The following FGL1 variants were observed in gnomAD, a reference collection of about 807,000 sequenced individuals.
FGL1 encodes the protein fibrinogen-like protein 1.
A neutral mutation model predicts 43.7 loss-of-function variants in FGL1; 59 were observed. The ratio of observed to expected loss-of-function variants is 1.35; its 90% CI spans 1.10 to 1.68. The LOEUF is 1.68. Among genes scored for constraint, FGL1 ranks in the 40% most tolerant of loss-of-function variants. The pLI is 0.00. For synonymous variants in FGL1, 192 were observed against 126.5 expected, an observed-to-expected ratio of 1.52 and a Z score of -3.48; for missense variants, 596 against 373.0, an observed-to-expected ratio of 1.60 and a Z score of -4.92.
intron 1 of FGL1, among the ~76,000 whole-genome samples, chr8:17,893,031 C>G (rs1256043042): frequency 6.6e-6 from 1 of 152,002 alleles, no homozygotes; most frequent in East Asian, 1.9e-4. Context: ...AAACCCCGTC[C>G]CTACTAAAAA....
chr8:17,872,302 T>TTTATTATTATTATTATTATTA (rs10528958), intron 5 of FGL1, among the ~76,000 whole-genome samples: 4,383 of 146,790 alleles, frequency 0.03, 198 homozygotes, highest in African/African-American at 0.092. Context: ...TCTTAATTAC[T>TTTATTATTATTATTATTATTA]TTATTATTAT....
At chr8:17,894,932 T>A (rs11778041) in intron 1 of FGL1, among the ~76,000 whole-genome samples, 65,933 of 144,678 alleles carry the variant, frequency 0.46, 18,031 homozygotes, top group Non-Finnish European at 0.61. Flanking sequence ...ATATAAGGTA[T>A]ATAAATATTG....
chr8:17,881,589 T>G (rs1239577450), intron 3 of FGL1, among the ~76,000 whole-genome samples: 17 of 151,338 alleles, frequency 1.1e-4, no homozygotes, highest in Non-Finnish European at 1.6e-4. Flanking sequence ...ATCCCAGCAC[T>G]TTGGGAGGCC....
intron 3 of FGL1, among the ~76,000 whole-genome samples, chr8:17,877,652 G>T (rs2053476157): frequency 6.6e-6 from 1 of 152,028 alleles, no homozygotes; most frequent in Admixed American, 6.6e-5. Context: ...GTACATAGTA[G>T]GTGTATGTAT....
intron 2 of FGL1, among the ~76,000 whole-genome samples, chr8:17,883,366 A>T (rs182235545): frequency 0.014 from 1,445 of 100,100 alleles, 136 homozygotes; most frequent in African/African-American, 0.06. Flanking sequence ...ATAATATATA[A>T]TATATAAAAT....
chr8:17,868,122 A>T (rs560848275), intron 7 of FGL1, among the ~76,000 whole-genome samples: 1 of 152,350 alleles, frequency 6.6e-6, no homozygotes, highest in East Asian at 1.9e-4. Flanking sequence ...AATGAAAGCC[A>T]TAGTGATTGA....
chr8:17,893,206 AC>A lies in FGL1; in HGVS notation c.-18+2240del. ...ACAGAGTGAGACTCCATCTCAAAAAACAAACAAACAAACAACAACAACAAAA... is the reference window on the plus strand; with the variant it reads ...ACAGAGTGAGACTCCATCTCAAAAAAAAACAAACAAACAACAACAACAAAA... On this transcript the variant is annotated intron_variant, in intron 1 of 7. Transcript: ENST00000427924. Among the ~76,000 whole-genome samples the A allele has an allele frequency of 1.3e-5, 2 of 152,248 alleles. 1 individual carries two copies.
rs763387971 is a variant in FGL1, at chr8:17,868,961, A to G, written c.546T>C (p.Asn182=). The G allele has an allele frequency of 6.2e-7, 1 of 1,605,950 alleles. No individual in the cohort carries two copies. Among genetic ancestry groups the G allele is most frequent in the South Asian group, 1.1e-5 (1 of 88,520 alleles). ...LKIDLADFEK[N]SRYAQYKNFK... Reference sequence around the variant, plus strand: ...AATTCTTATATTGTGCATAACGGCTATTTTTTTCAAAATCTGCAAGGTCGA... The same window carrying G: ...AATTCTTATATTGTGCATAACGGCTGTTTTTTTCAAAATCTGCAAGGTCGA... Residue 182 remains asparagine, a synonymous_variant, in exon 6 of 8, where the codon AAT becomes AAC. Transcript: ENST00000427924.
At chr8:17,890,166 G>A (rs989213284) in intron 1 of FGL1, among the ~76,000 whole-genome samples, 3 of 152,162 alleles carry the variant, frequency 2.0e-5, no homozygotes, top group Admixed American at 6.6e-5. Flanking sequence ...AAGACTCTAC[G>A]TTCAAAATTT....
At position 17,868,645 on chromosome 8, in the gene FGL1, T is replaced by C. The variant is rs149352296; in HGVS notation, c.682A>G (p.Ser228Gly). The change falls in exon 7 of 8, where the codon AGT becomes GGT. Residue 228 changes from serine to glycine, a missense_variant. By Grantham distance (56) the Ser-to-Gly change is moderately conservative. Coordinates refer to ENST00000427924, the MANE Select transcript of FGL1 (RefSeq NM_004467.4). ...GTGCTGAATTTCATTCTTTGGTGAC[T>C]AGCCCACCACTGCACCTCAGGATGA... ...NFHPEVQWWASHQRMKFSTWD... is the reference protein window; with the variant it reads ...NFHPEVQWWAGHQRMKFSTWD... 6.2e-7 allele frequency: 1 copy of C among 1,614,122 alleles called. No individual in the cohort carries two copies. The highest frequency in any genetic ancestry group is 8.5e-7 in the Non-Finnish European group (1 of 1,179,974).
At chr8:17,893,968 G>T (rs953923665) in intron 1 of FGL1, among the ~76,000 whole-genome samples, 1 of 146,612 alleles carries the variant, frequency 6.8e-6, no homozygotes, top group East Asian at 1.9e-4. Context: ...AATTAAAATT[G>T]TTATCAAATG....
In FGL1 at chr8:17,882,033, A is replaced by T. The variant is rs1450298571; in HGVS notation, c.210T>A (p.Thr70=). The change falls in exon 3 of 8, where the codon ACT becomes ACA. Residue 70 remains threonine (T), a synonymous_variant. Transcript: ENST00000427924. ...GCCTCTTGCTTCCAAGATCAATGAC[A>T]GTATTCTCATCTCCTTTATCAAGGA... ...VQFLDKGDEN[T]VIDLGSKRQY... The T allele has an allele frequency of 6.2e-7, 1 of 1,613,896 alleles. No homozygotes were observed. The highest frequency in any genetic ancestry group is 8.5e-7 in the Non-Finnish European group (1 of 1,179,988).
chr8:17,869,296 G>A (rs34259886), intron 5 of FGL1, among the ~76,000 whole-genome samples: 9,303 of 152,084 alleles, frequency 0.061, 489 homozygotes, highest in African/African-American at 0.14. Context: ...GAAAAAATAA[G>A]TGATTACTTA....
intron 5 of FGL1, among the ~76,000 whole-genome samples, chr8:17,870,670 A>G (rs2053344333): frequency 6.6e-6 from 1 of 151,980 alleles, no homozygotes; most frequent in East Asian, 1.9e-4. Flanking sequence ...TTCTATTCAC[A>G]CCCAAGTTGG....
chr8:17,880,633 G>T (rs2053520910), intron 3 of FGL1, among the ~76,000 whole-genome samples: 1 of 152,086 alleles, frequency 6.6e-6, no homozygotes, highest in Non-Finnish European at 1.5e-5. Context: ...TATCATTCTA[G>T]ACCTCACAGA....
At chr8:17,887,003 T>A (rs997400997) in intron 1 of FGL1, among the ~76,000 whole-genome samples, 2 of 152,174 alleles carry the variant, frequency 1.3e-5, no homozygotes, top group Non-Finnish European at 2.9e-5. Context: ...CTGCTTCTCG[T>A]ACCCTTTCAG....
Position 17,881,998 on chromosome 8 carries a change from C to A in FGL1, c.244+1G>T, listed in dbSNP as rs1488545684. On this transcript the variant is annotated splice_donor_variant, in intron 3 of 7. Transcript: ENST00000427924. LOFTEE classifies it high-confidence loss of function. ...AACACTTAAGAAAAGTCCATTCTGA[C>A]CTGCATACTGCCTCTTGCTTCCAAG... 18 of 1,613,396 alleles carry A rather than the reference C, an allele frequency of 1.1e-5. No homozygotes were observed. The East Asian group carries it at 2.7e-4, about 24-fold the overall frequency.
At position 17,882,718 on chromosome 8, in the gene FGL1, A is replaced by G. The variant is rs1461254611; in HGVS notation, c.64-539T>C. On this transcript the variant is annotated intron_variant, in intron 2 of 7. Coordinates refer to ENST00000427924, the MANE Select transcript of FGL1 (RefSeq NM_004467.4). ...ATTTAATGTATATTATATATTATATATATTATATATGCATATAAATAATAT... is the reference window on the plus strand; with the variant it reads ...ATTTAATGTATATTATATATTATATGTATTATATATGCATATAAATAATAT... The G allele has an allele frequency of 2.9e-5, 4 of 139,758 alleles. 1 individual carries two copies. The highest frequency in any genetic ancestry group is 7.9e-5 in the African/African-American group (3 of 37,866). 8.7% of individuals were successfully genotyped at this position (139,758 alleles called of 1,614,324 possible).
rs10528958 is a variant in FGL1 at position 17,872,302 on chromosome 8, T to TTTA, written c.502+1714_502+1716dup. Among the ~76,000 whole-genome samples the TTTA allele has an allele frequency of 3.4e-5, 5 of 146,846 alleles. 1 individual carries two copies. The highest frequency in any genetic ancestry group is 3.6e-3 in the Middle Eastern group (1 of 280). On this transcript the variant is annotated intron_variant, in intron 5 of 7. Coordinates refer to ENST00000427924, the MANE Select transcript of FGL1 (RefSeq NM_004467.4). ...GGAACTTTTGTTTTATCTTAATTAC[T>TTTA]TTATTATTATTATTATTTGAGACAG...
Sources: allele counts gnomAD v4.1 joint callset (sites outside exome capture counted in the v4.1 genomes callset), GRCh38; gene constraint gnomAD v4.1.1; transcripts MANE v1.5; gene names NCBI Gene and HGNC (gene_info 2026-07-23, HGNC 2026-07-21).